Variants in POLN observed in about 807,000 individuals in gnomAD.
POLN encodes DNA polymerase N.
Under a neutral mutation model 113.5 loss-of-function variants are expected in POLN, and 108 were observed. That is an observed-to-expected ratio of 0.95 (90% CI 0.81 to 1.12). The LOEUF (loss-of-function observed/expected upper bound fraction) is 1.12, where lower values mean the gene tolerates loss of function less well. Ranked by LOEUF, POLN falls within the 50% of genes most tolerant of loss-of-function variation. The pLI is 0.00. For synonymous variants in POLN, 386 were observed against 391.5 expected, an observed-to-expected ratio of 0.99 and a Z score of 0.17; for missense variants, 1,097 against 1,077.1, an observed-to-expected ratio of 1.02 and a Z score of -0.26.
At chr4:2,086,624 T>C (rs530589292) in intron 20 of POLN, among the ~76,000 whole-genome samples, 1 of 152,246 alleles carries the variant, frequency 6.6e-6, no homozygotes, top group East Asian at 1.9e-4. Flanking sequence ...AGAATAATAA[T>C]GTAAATAGAG....
intron 19 of POLN, among the ~76,000 whole-genome samples, chr4:2,124,780 G>A (rs1253895913): frequency 1.3e-5 from 2 of 152,142 alleles, no homozygotes; most frequent in Non-Finnish European, 2.9e-5. Flanking sequence ...TGCTGGGGGT[G>A]GGGTCCTCGT....
intron 19 of POLN, among the ~76,000 whole-genome samples, chr4:2,110,697 T>C (rs1387010350): frequency 1.3e-5 from 2 of 152,148 alleles, no homozygotes; most frequent in African/African-American, 2.4e-5. Context: ...CAGGAAGAAG[T>C]TGAATCTCTG....
intron 7 of POLN, among the ~76,000 whole-genome samples, chr4:2,192,690 C>A (rs1006159966): frequency 5.3e-5 from 8 of 151,704 alleles, no homozygotes; most frequent in African/African-American, 1.7e-4. Flanking sequence ...ATTTTAGGCC[C>A]GGTGCAGTGG....
chr4:2,081,070 T>C lies in POLN; in HGVS notation c.2309-34A>G, dbSNP rs199878394. On this transcript the variant is annotated intron_variant, in intron 22 of 25. Coordinates refer to ENST00000511885, the MANE Select transcript of POLN (RefSeq NM_181808.4). ...CGCGTGGTACTGTCTTGAGGTCCCA[T>C]GGCACACGGTTCATGGTGCACTCAG... 249 of 1,612,992 alleles carry C rather than the reference T, an allele frequency of 1.5e-4. 1 individual carries two copies. The highest frequency in any genetic ancestry group is 2.0e-4 in the Non-Finnish European group (236 of 1,179,944).
chr4:2,196,093 G>A (rs1472237126), intron 6 of POLN, among the ~76,000 whole-genome samples: 2 of 152,118 alleles, frequency 1.3e-5, no homozygotes, highest in Admixed American at 1.3e-4. Context: ...CTGAATTTCA[G>A]AAAAATCATG....
chr4:2,072,578 G>A (rs546776286), intron 25 of POLN, among the ~76,000 whole-genome samples: 4 of 152,340 alleles, frequency 2.6e-5, no homozygotes, highest in South Asian at 2.1e-4. Context: ...GGCTGCGGCC[G>A]GCAGACAAGG....
At chr4:2,073,194 C>A (rs1260847354) in intron 24 of POLN, among the ~76,000 whole-genome samples, 165 bp from the exon 25 acceptor site, 1 of 152,138 alleles carries the variant, frequency 6.6e-6, no homozygotes, top group Non-Finnish European at 1.5e-5. Flanking sequence ...TTAATGCCCA[C>A]AAGGAGCCCC....
At chr4:2,236,426 C>T (rs1186151280) in intron 2 of POLN, 1 of 1,612,666 alleles carries the variant, frequency 6.2e-7, no homozygotes, top group Non-Finnish European at 8.5e-7. Context: ...ATTCTTTTTT[C>T]TTATTCTCTC....
chr4:2,161,307 C>A (rs891124725), intron 13 of POLN, among the ~76,000 whole-genome samples: 13 of 152,226 alleles, frequency 8.5e-5, no homozygotes, highest in Admixed American at 7.9e-4. Flanking sequence ...GCGCGGGGCG[C>A]TTGCAGGCCA....
At chr4:2,188,051 G>A (rs1198274088) in intron 7 of POLN, among the ~76,000 whole-genome samples, 1 of 152,168 alleles carries the variant, frequency 6.6e-6, no homozygotes, top group Non-Finnish European at 1.5e-5. Context: ...AGGAATTTGA[G>A]GTTACAGTGA....
intron 7 of POLN, among the ~76,000 whole-genome samples, chr4:2,190,646 A>G (rs753205540): frequency 6.6e-6 from 1 of 152,250 alleles, no homozygotes; most frequent in Non-Finnish European, 1.5e-5. Flanking sequence ...TGGATTAACA[A>G]CCAGGATATA....
At chr4:2,087,179 G>T (rs1730569929) in intron 20 of POLN, among the ~76,000 whole-genome samples, 3 of 152,244 alleles carry the variant, frequency 2.0e-5, no homozygotes, top group Admixed American at 1.3e-4. Flanking sequence ...AGGACTGCCT[G>T]ATGAACTGGC....
At chr4:2,092,331 A>G (rs961053793) in intron 20 of POLN, among the ~76,000 whole-genome samples, 4 of 152,238 alleles carry the variant, frequency 2.6e-5, no homozygotes, top group African/African-American at 7.2e-5. Flanking sequence ...AAACACTCAG[A>G]TCAAGACCCG....
chr4:2,157,232 CTCT>C (rs1012060856), intron 15 of POLN, among the ~76,000 whole-genome samples: 3 of 152,182 alleles, frequency 2.0e-5, no homozygotes, highest in Non-Finnish European at 4.4e-5. Context: ...CACAGAACAT[CTCT>C]TGACTGCAGT....
At chr4:2,149,633 G>T (rs968011107) in intron 16 of POLN, among the ~76,000 whole-genome samples, 2 of 152,096 alleles carry the variant, frequency 1.3e-5, no homozygotes, top group African/African-American at 2.4e-5. Flanking sequence ...AAAAAATTAA[G>T]AAGTTAGCCA....
chr4:2,086,204 G>C (rs899255078), intron 20 of POLN, among the ~76,000 whole-genome samples: 1 of 152,208 alleles, frequency 6.6e-6, no homozygotes, highest in Non-Finnish European at 1.5e-5. Context: ...CAGGCATGTG[G>C]TGGCTCATGT....
At chr4:2,232,401 A>T (rs893216005) in intron 2 of POLN, among the ~76,000 whole-genome samples, 1 of 152,204 alleles carries the variant, frequency 6.6e-6, no homozygotes, top group Non-Finnish European at 1.5e-5. Flanking sequence ...GCTGAAGTGT[A>T]CTCGATATGT....
chr4:2,200,536 C>T (rs540730894), intron 5 of POLN, among the ~76,000 whole-genome samples: 27 of 152,334 alleles, frequency 1.8e-4, no homozygotes, highest in Non-Finnish European at 2.9e-4. Flanking sequence ...GTTCACATCA[C>T]AGGACTCTGT....
In POLN at chr4:2,072,274, G is replaced by A. The variant is rs764054456; in HGVS notation, c.2543C>T (p.Ala848Val). 70 of 1,589,268 alleles carry A rather than the reference G, an allele frequency of 4.4e-5. No individual in the cohort carries two copies. The highest frequency in any genetic ancestry group is 5.8e-5 in the Non-Finnish European group (68 of 1,168,058). The change falls in exon 26 of 26, where the codon GCC becomes GTC. Residue 848 changes from alanine to valine, a missense_variant. Transcript: ENST00000511885. ...CACCAGGTGTCCCCATGAGCGGCCG[G>A]CACTCAGGCTCACCTTGAGGGGTAC... is the stretch of plus-strand genomic sequence containing the variant. ...LQVPLKVSLS[A>V]GRSWGHLVPL...
Sources: allele counts gnomAD v4.1 joint callset (sites outside exome capture counted in the v4.1 genomes callset), GRCh38; gene constraint gnomAD v4.1.1; transcripts MANE v1.5; gene names NCBI Gene and HGNC (gene_info 2026-07-23, HGNC 2026-07-21).